The following TTC28 variants were observed in gnomAD, a reference collection of about 807,000 sequenced individuals.
The protein encoded by TTC28 is tetratricopeptide repeat domain 28, also known as tetratricopeptide repeat protein 28.
TTC28 carries 61 observed loss-of-function variants against 198.0 expected under a neutral mutation model. That is an observed-to-expected ratio of 0.31 (90% confidence interval 0.25 to 0.38). The LOEUF (loss-of-function observed/expected upper bound fraction) is 0.38. Among genes scored for constraint, TTC28 ranks in the 10% least tolerant of loss-of-function variants. TTC28 has a pLI of 1.00. For missense variants in TTC28, 2,678 were observed against 3,164.0 expected, an observed-to-expected ratio of 0.85 and a Z score of 3.69; for synonymous variants, 1,171 against 1,297.8, an observed-to-expected ratio of 0.90 and a Z score of 2.10.
At chr22:28,451,434 A>G (rs2047776510) in intron 2 of TTC28, among the ~76,000 whole-genome samples, 1 of 152,250 alleles carries the variant, frequency 6.6e-6, no homozygotes, top group Non-Finnish European at 1.5e-5. Flanking sequence ...GTCATTTTCC[A>G]GTGATGCTTA....
chr22:28,540,912 CTT>C (rs1322010193), intron 2 of TTC28, among the ~76,000 whole-genome samples: 10 of 152,174 alleles, frequency 6.6e-5, no homozygotes, highest in Admixed American at 4.6e-4. Flanking sequence ...AGTCTTCACT[CTT>C]TATATCAAAT....
At chr22:28,384,102 A>G (rs1763497207) in intron 2 of TTC28, among the ~76,000 whole-genome samples, 1 of 152,198 alleles carries the variant, frequency 6.6e-6, no homozygotes. Flanking sequence ...CTCTTTCCCC[A>G]GAAGCCACAT....
At chr22:28,038,854 G>A (rs181259869) in intron 12 of TTC28, among the ~76,000 whole-genome samples, 13 of 152,296 alleles carry the variant, frequency 8.5e-5, no homozygotes, top group Non-Finnish European at 1.3e-4. Flanking sequence ...CAAAAAGTGG[G>A]CAAAGCATAT....
intron 6 of TTC28, among the ~76,000 whole-genome samples, chr22:28,117,960 C>A (rs1942677180): frequency 1.3e-5 from 2 of 152,206 alleles, no homozygotes; most frequent in South Asian, 4.1e-4. Flanking sequence ...ATTTGTCACA[C>A]AAAGGATAAA....
intron 1 of TTC28, among the ~76,000 whole-genome samples, chr22:28,653,181 G>C (rs181310805): frequency 6.6e-6 from 1 of 152,084 alleles, no homozygotes; most frequent in East Asian, 1.9e-4. Context: ...CTTTGGAGCA[G>C]GTCTACTCCC....
intron 1 of TTC28, 95 bp downstream of exon 1, chr22:28,679,525 CCT>C: frequency 1.3e-6 from 1 of 797,552 alleles, no homozygotes; most frequent in Non-Finnish European, 1.8e-6. Context: ...ACGCCTTCCG[CCT>C]CGCAGGCGCT....
At chr22:28,565,082 T>A (rs935602766) in intron 2 of TTC28, among the ~76,000 whole-genome samples, 1 of 151,782 alleles carries the variant, frequency 6.6e-6, no homozygotes, top group African/African-American at 2.4e-5. Flanking sequence ...CCCTACTATA[T>A]TCGATGAGGC....
chr22:28,286,292 C>G (rs562670551), intron 5 of TTC28, among the ~76,000 whole-genome samples: 7 of 152,156 alleles, frequency 4.6e-5, no homozygotes, highest in African/African-American at 1.7e-4. Flanking sequence ...ATAATTTAAA[C>G]TTTCTAGTAA....
intron 2 of TTC28, among the ~76,000 whole-genome samples, chr22:28,539,654 AAT>A (rs1481994942): frequency 6.6e-6 from 1 of 151,856 alleles, no homozygotes. Context: ...AAAGGAAAGA[AAT>A]AGACAGAGAA....
At chr22:28,525,408 G>A (rs551694881) in intron 2 of TTC28, among the ~76,000 whole-genome samples, 36 of 152,038 alleles carry the variant, frequency 2.4e-4, no homozygotes, top group Non-Finnish European at 3.8e-4. Flanking sequence ...CTCTGCCTCC[G>A]CTTCTCAAAG....
At chr22:28,024,513 G>C (rs979255892) in intron 13 of TTC28, among the ~76,000 whole-genome samples, 9 of 152,202 alleles carry the variant, frequency 5.9e-5, no homozygotes, top group Non-Finnish European at 1.0e-4. Context: ...GAACTCCTGT[G>C]ACTCCTGTCA....
Position 28,108,413 on chromosome 22 carries a change from A to G in TTC28, c.1442-10T>C. The G allele has an allele frequency of 7.0e-7, 1 of 1,435,132 alleles. No homozygotes were observed. Among genetic ancestry groups the G allele is most frequent in the Non-Finnish European group, 9.2e-7 (1 of 1,090,724 alleles). The allele number at this position is 1,435,132 out of a possible 1,614,324, so 88.9% of individuals were successfully genotyped here. A position where few individuals can be genotyped will look rare whatever the true frequency, so the allele number is the denominator to read the frequency against. ...ATCTGGTGTATGATTCCTGAGAAAG[A>G]GAATAAAAGAACAGACTAAGACTGA... On this transcript the variant is annotated splice_polypyrimidine_tract_variant and intron_variant, in intron 6 of 22. Transcript: ENST00000397906.
At chr22:28,607,133 C>T (rs111354212) in intron 2 of TTC28, among the ~76,000 whole-genome samples, 4 of 152,132 alleles carry the variant, frequency 2.6e-5, no homozygotes, top group African/African-American at 2.4e-5. Context: ...TTACCTCTAG[C>T]TCATACCTGC....
At chr22:28,401,869 C>T (rs1481729741) in intron 2 of TTC28, among the ~76,000 whole-genome samples, 2 of 152,184 alleles carry the variant, frequency 1.3e-5, no homozygotes, top group African/African-American at 4.8e-5. Flanking sequence ...TGATGCCAGA[C>T]CTAAATATTA....
intron 2 of TTC28, among the ~76,000 whole-genome samples, chr22:28,536,756 T>A (rs1464387207): frequency 6.6e-6 from 1 of 152,192 alleles, no homozygotes; most frequent in East Asian, 1.9e-4. Context: ...GTTTTACAAA[T>A]GTAATGCAAT....
chr22:28,243,208 A>AAAAAAAAAAAAAAAAAAAAAAAC (rs1569217602), intron 5 of TTC28, among the ~76,000 whole-genome samples: 1 of 120,788 alleles, frequency 8.3e-6, no homozygotes. Flanking sequence ...AAAAAAAAAA[A>AAAAAAAAAAAAAAAAAAAAAAAC]AAAAACTAGC....
intron 2 of TTC28, among the ~76,000 whole-genome samples, chr22:28,589,805 C>T (rs978778184): frequency 4.0e-5 from 6 of 151,696 alleles, no homozygotes; most frequent in Admixed American, 2.0e-4. Flanking sequence ...TTTGGGAGGC[C>T]AAGGCGGGTA....
At chr22:28,208,388 T>G (rs1006191805) in intron 5 of TTC28, among the ~76,000 whole-genome samples, 3 of 152,112 alleles carry the variant, frequency 2.0e-5, no homozygotes, top group Admixed American at 6.5e-5. Flanking sequence ...ACTCCTAGAA[T>G]AGCTGTAAAC....
At chr22:28,267,177 A>G (rs1931736191) in intron 5 of TTC28, among the ~76,000 whole-genome samples, 1 of 152,188 alleles carries the variant, frequency 6.6e-6, no homozygotes, top group African/African-American at 2.4e-5. Context: ...GTGACCTACA[A>G]TATGTTTCCT....
Sources: allele counts gnomAD v4.1 joint callset (sites outside exome capture counted in the v4.1 genomes callset), GRCh38; gene constraint gnomAD v4.1.1; transcripts MANE v1.5; gene names NCBI Gene and HGNC (gene_info 2026-07-23, HGNC 2026-07-21).